Variants in ABCA9 observed in about 807,000 individuals in gnomAD.
The protein encoded by ABCA9 is ATP binding cassette subfamily A member 9.
Under a neutral mutation model 205.3 loss-of-function variants are expected in ABCA9, and 183 were observed. The observed-to-expected ratio is 0.89, with a 90% confidence interval of 0.79 to 1.01. The LOEUF is 1.01. Among genes scored for constraint, ABCA9 ranks in the 50% least tolerant of loss-of-function variants. The probability of loss-of-function intolerance (pLI) is 0.00; values close to 1 mark genes in which losing one functional copy is unlikely to be tolerated. For synonymous variants in ABCA9, 651 were observed against 683.3 expected (o/e 0.95, Z 0.74); for missense variants, 1,805 against 1,912.4 (o/e 0.94, Z 1.05).
In ABCA9 at chr17:69,028,544, G is replaced by T; in HGVS notation, c.1606C>A (p.Pro536Thr). 1 of 1,596,326 alleles carries T rather than the reference G, an allele frequency of 6.3e-7. No individual in the cohort carries two copies. Among genetic ancestry groups the T allele is most frequent in the South Asian group, 1.1e-5 (1 of 89,152 alleles). Residue 536 changes from proline to threonine, a missense_variant, in exon 12 of 39, where the codon CCA (proline) becomes ACA (threonine). Pro to Thr is a conservative substitution (Grantham distance 38, BLOSUM62 -1). Coordinates refer to ENST00000340001, the MANE Select transcript of ABCA9 (RefSeq NM_080283.4). Reference protein sequence around the residue: ...LLNILSGLSVPTSGSVTVYNH... With the variant: ...LLNILSGLSVTTSGSVTVYNH... ...ATAACTGTCTTCTTACCTGATGTTG[G>T]AACTGACAACCCACTAAGTATGTTT...
rs183271302 is a variant in ABCA9, at chr17:69,049,834, G to C, written c.97-344C>G. The stretch of plus-strand genomic sequence containing the variant: ...TGACAGTGATAAATAAATAGTAGGT[G>C]ATGTGGAATAGGTAACTAGCTTCCA... On this transcript the variant is annotated intron_variant, in intron 2 of 38. Coordinates refer to ENST00000340001, the MANE Select transcript of ABCA9 (RefSeq NM_080283.4). Among the ~76,000 whole-genome samples, 129 of 152,242 alleles carry C rather than the reference G, an allele frequency of 8.5e-4. 1 individual carries two copies. Among genetic ancestry groups the C allele is most frequent in the African/African-American group, 3.0e-3 (126 of 41,568 alleles).
chr17:69,005,849 T>C, intron 25 of ABCA9, among the ~76,000 whole-genome samples: 1 of 152,240 alleles, frequency 6.6e-6, no homozygotes, highest in East Asian at 1.9e-4. Context: ...CTGTTGTGTA[T>C]TATTTGCTAA....
upstream of ABCA9, among the ~76,000 whole-genome samples, chr17:69,063,634 G>T (rs1415257085): frequency 1.3e-5 from 2 of 151,916 alleles, no homozygotes; most frequent in African/African-American, 4.8e-5. Flanking sequence ...TGTGTGTGAC[G>T]TGATCTCTGC....
intron 1 of ABCA9, among the ~76,000 whole-genome samples, chr17:69,059,093 C>T (rs1438765098): frequency 6.6e-6 from 1 of 152,116 alleles, no homozygotes. Flanking sequence ...AATTCCATTA[C>T]CTCCTCCTGC....
chr17:69,026,399 A>ATTTC lies in ABCA9; in HGVS notation c.2115_2118dup (p.Trp707GlufsTer14), dbSNP rs1246626836. ...TACCTTAAATGGTAGCCTATGCCCCATTTCTTCTTAAGGAACAGAGAAGAG... is the reference window on the plus strand; with the variant it reads ...TACCTTAAATGGTAGCCTATGCCCCATTTCTTTCTTCTTAAGGAACAGAGAAGAG... On this transcript the variant is annotated frameshift_variant, in exon 16 of 39. Transcript: ENST00000340001. LOFTEE classifies it high-confidence loss of function. 20 of 1,613,656 alleles carry ATTTC rather than the reference A, an allele frequency of 1.2e-5. No individual in the cohort carries two copies. The highest frequency in any genetic ancestry group is 1.6e-5 in the Non-Finnish European group (19 of 1,179,772).
Position 68,982,598 on chromosome 17 carries a change from G to T in ABCA9, c.4684C>A (p.Arg1562=). The part of the protein sequence containing the change: ...MVYKLPVEDV[R]PLSQAFFKLE... ...TTGAAGAAAGCCTGTGATAAAGGTC[G>T]CACATCCTCAACAGGCAACTTATAG... Residue 1562 remains arginine, a synonymous_variant, in exon 37 of 39, where the codon CGA becomes AGA. Coordinates refer to ENST00000340001, the MANE Select transcript of ABCA9 (RefSeq NM_080283.4). The T allele has an allele frequency of 3.1e-6, 5 of 1,613,922 alleles. No individual in the cohort carries two copies. The highest frequency in any genetic ancestry group is 1.3e-5 in the African/African-American group (1 of 75,008).
chr17:69,025,081 A>C (rs571639597), intron 16 of ABCA9, among the ~76,000 whole-genome samples: 1 of 152,304 alleles, frequency 6.6e-6, no homozygotes, highest in Non-Finnish European at 1.5e-5. Flanking sequence ...TGCTATCAAG[A>C]ATACCAAATA....
intron 35 of ABCA9, 30 bp downstream of exon 35, chr17:68,984,026 G>A (rs766385756): frequency 1.2e-6 from 2 of 1,613,740 alleles, no homozygotes; most frequent in South Asian, 1.1e-5. Context: ...ACAACCTAGG[G>A]GCTGAGCGCC....
chr17:69,068,289 A>G, the ABCA9 span, among the ~76,000 whole-genome samples: 1 of 152,198 alleles, frequency 6.6e-6, no homozygotes, highest in Non-Finnish European at 1.5e-5. Context: ...ATACAACTTA[A>G]AAAACCTTAA....
At chr17:69,064,996 T>C (rs2072331638), upstream of ABCA9, among the ~76,000 whole-genome samples, 1 of 152,248 alleles carries the variant, frequency 6.6e-6, no homozygotes, top group Non-Finnish European at 1.5e-5. Flanking sequence ...AAAAATAGCA[T>C]GTTATTGCTT....
chr17:69,015,704 T>G (rs757801792), intron 22 of ABCA9, among the ~76,000 whole-genome samples: 2 of 152,138 alleles, frequency 1.3e-5, no homozygotes, highest in Non-Finnish European at 2.9e-5. Flanking sequence ...GTGCTCACAT[T>G]GCCTCATTTA....
At chr17:69,040,627 A>G (rs763307860) in intron 6 of ABCA9, among the ~76,000 whole-genome samples, 8 of 152,042 alleles carry the variant, frequency 5.3e-5, no homozygotes, top group Non-Finnish European at 1.0e-4. Context: ...ACTTAGATGA[A>G]AGGTTGATGG....
rs1189579642 is a variant in ABCA9, at chr17:69,055,752, A to G, written c.-13-4613T>C. Reference sequence around the variant, plus strand: ...TCACATGGAACGCTCACCAAGATAGACCAATTTTGAGCCATAAAACACACC... The same window carrying G: ...TCACATGGAACGCTCACCAAGATAGGCCAATTTTGAGCCATAAAACACACC... On this transcript the variant is annotated intron_variant, in intron 1 of 38. Coordinates refer to ENST00000340001, the MANE Select transcript of ABCA9 (RefSeq NM_080283.4). Among the ~76,000 whole-genome samples the G allele has an allele frequency of 2.0e-5, 3 of 152,148 alleles. No individual in the cohort carries two copies. In the East Asian group the frequency reaches 5.8e-4, roughly 29 times the overall value.
intron 8 of ABCA9, chr17:69,035,027 G>A (rs1418160921): frequency 1.2e-5 from 4 of 345,264 alleles, no homozygotes; most frequent in African/African-American, 2.1e-5. Context: ...AGAAGTAGAA[G>A]CTGAAACATC....
At chr17:68,981,685 C>A (rs955613570) in intron 37 of ABCA9, among the ~76,000 whole-genome samples, 2 of 151,752 alleles carry the variant, frequency 1.3e-5, no homozygotes, top group African/African-American at 2.4e-5. Context: ...ACTAAAAATA[C>A]AAAAATTAGC....
intron 1 of ABCA9, chr17:69,051,523 AC>A (rs2071901555): frequency 5.1e-6 from 1 of 196,114 alleles, no homozygotes; most frequent in African/African-American, 2.3e-5. Flanking sequence ...ATTCATTACT[AC>A]TTAGCAATAT....
At chr17:69,030,490 G>A (rs976507885) in intron 10 of ABCA9, among the ~76,000 whole-genome samples, 2 of 152,066 alleles carry the variant, frequency 1.3e-5, no homozygotes, top group African/African-American at 4.8e-5. Flanking sequence ...TAAGGGTTAG[G>A]GTTTCAACAT....
At position 68,989,256 on chromosome 17, in the gene ABCA9, T is replaced by TCTCACG; in HGVS notation, c.3956-139_3956-138insCGTGAG. ...TTTCCCTTATTCCTCTCTCTCTCTC[T>TCTCACG]CACACACACACACACACACACACAC... On this transcript the variant is annotated intron_variant, in intron 30 of 38. Transcript: ENST00000340001. 1.7e-5 allele frequency: 4 copies of TCTCACG among 241,064 alleles called. No homozygotes were observed. The East Asian group carries it at 2.6e-4, about 16-fold the overall frequency. 14.9% of individuals were successfully genotyped at this position (241,064 alleles called of 1,614,324 possible).
intron 34 of ABCA9, 23 bp from the exon 35 acceptor site, chr17:68,984,198 C>A: frequency 6.2e-7 from 1 of 1,611,990 alleles, no homozygotes; most frequent in South Asian, 1.1e-5. Flanking sequence ...CAAGAGAAAA[C>A]GTGAACTCAT....
Sources: allele counts gnomAD v4.1 joint callset (sites outside exome capture counted in the v4.1 genomes callset), GRCh38; gene constraint gnomAD v4.1.1; transcripts MANE v1.5; gene names NCBI Gene and HGNC (gene_info 2026-07-23, HGNC 2026-07-21).